NRXN3: variants seen among roughly 807,000 people sequenced by gnomAD.
NRXN3 encodes the protein neurexin III.
Under a neutral mutation model 137.6 loss-of-function variants are expected in NRXN3, and 32 were observed. The observed-to-expected ratio is 0.23, with a 90% CI of 0.18 to 0.31. NRXN3 has a LOEUF of 0.31. NRXN3 is among the 10% of genes least tolerant of loss of function. The pLI is 1.00. For synonymous variants in NRXN3, 798 were observed against 784.5 expected (o/e 1.02, Z -0.29); for missense variants, 1,574 against 2,062.5 (o/e 0.76, Z 4.59).
At chr14:79,271,136 A>C (rs2079222365) in intron 15 of NRXN3, among the ~76,000 whole-genome samples, 2 of 152,242 alleles carry the variant, frequency 1.3e-5, no homozygotes, top group Admixed American at 6.5e-5. Flanking sequence ...GTGATGTTTG[A>C]ACTAGGATGT....
intron 4 of NRXN3, among the ~76,000 whole-genome samples, chr14:78,513,877 A>G (rs2096156715): frequency 6.6e-6 from 1 of 152,054 alleles, no homozygotes; most frequent in Non-Finnish European, 1.5e-5. Flanking sequence ...GTTTTTCCCC[A>G]TCTCTCCATA....
At chr14:78,561,021 T>G (rs2096781530) in intron 4 of NRXN3, among the ~76,000 whole-genome samples, 1 of 152,172 alleles carries the variant, frequency 6.6e-6, no homozygotes, top group Non-Finnish European at 1.5e-5. Context: ...CTTCCCAAAT[T>G]TTAGTGACTT....
chr14:78,690,687 C>A (rs186061956), intron 6 of NRXN3, among the ~76,000 whole-genome samples: 1 of 152,198 alleles, frequency 6.6e-6, no homozygotes, highest in East Asian at 1.9e-4. Context: ...AATATTAATT[C>A]TGGGACAATG....
intron 15 of NRXN3, among the ~76,000 whole-genome samples, chr14:78,995,629 G>A (rs929097595): frequency 6.6e-6 from 1 of 152,028 alleles, no homozygotes; most frequent in African/African-American, 2.4e-5. Context: ...TGGCCCTGCC[G>A]GCTACTCTTC....
intron 1 of NRXN3, among the ~76,000 whole-genome samples, chr14:78,229,067 G>C (rs969437479): frequency 2.0e-5 from 3 of 152,198 alleles, no homozygotes; most frequent in Non-Finnish European, 2.9e-5. Flanking sequence ...TGAGGGGAAA[G>C]TAGGAGATTC....
chr14:79,282,228 A>C lies in NRXN3; in HGVS notation c.3263-184993A>C, dbSNP rs908367814. On this transcript the variant is annotated intron_variant, in intron 15 of 20. Transcript: ENST00000335750. ...AGAGGGACTGGGGGGAGCGGGTAAG[A>C]CAGGAAAAAAAGAGGGAGTGGGAGA... is the stretch of plus-strand genomic sequence containing the variant. Among the ~76,000 whole-genome samples, 5 of 152,220 alleles carry C rather than the reference A, an allele frequency of 3.3e-5. No homozygotes were observed. In the East Asian group the frequency reaches 9.7e-4, roughly 29 times the overall value.
chr14:78,995,630 G>T (rs984855216), intron 15 of NRXN3, among the ~76,000 whole-genome samples: 1 of 152,096 alleles, frequency 6.6e-6, no homozygotes, highest in Non-Finnish European at 1.5e-5. Context: ...GGCCCTGCCG[G>T]CTACTCTTCG....
chr14:79,055,308 C>A (rs1002749647), intron 15 of NRXN3, among the ~76,000 whole-genome samples: 4 of 152,144 alleles, frequency 2.6e-5, no homozygotes, highest in Admixed American at 2.6e-4. Flanking sequence ...CAGGATTGGG[C>A]AAGTGGCAGT....
intron 15 of NRXN3, among the ~76,000 whole-genome samples, chr14:79,282,270 G>T (rs1236253165): frequency 6.6e-6 from 1 of 152,182 alleles, no homozygotes; most frequent in Admixed American, 6.5e-5. Flanking sequence ...AAGCCAGAGA[G>T]ACTGTTACTA....
At chr14:78,407,063 A>G (rs146415302) in intron 4 of NRXN3, among the ~76,000 whole-genome samples, 17 of 152,332 alleles carry the variant, frequency 1.1e-4, no homozygotes, top group Non-Finnish European at 1.8e-4. Context: ...GGTCCTAAGA[A>G]GATATGACAT....
chr14:78,642,639 A>C (rs1257566175), intron 4 of NRXN3, among the ~76,000 whole-genome samples: 1 of 152,188 alleles, frequency 6.6e-6, no homozygotes, highest in Non-Finnish European at 1.5e-5. Context: ...TCTGTAGAAA[A>C]AGAGCTTAGT....
chr14:78,599,625 C>T (rs1330748501), intron 4 of NRXN3, among the ~76,000 whole-genome samples: 3 of 152,206 alleles, frequency 2.0e-5, no homozygotes, highest in Non-Finnish European at 4.4e-5. Flanking sequence ...CTGTTAAACT[C>T]CATTTCAGTA....
At chr14:79,719,343 A>G (rs2098835161) in intron 19 of NRXN3, among the ~76,000 whole-genome samples, 1 of 120,552 alleles carries the variant, frequency 8.3e-6, no homozygotes, top group Non-Finnish European at 1.8e-5. Flanking sequence ...ATATGTATAT[A>G]TACACATATA....
At chr14:79,283,627 G>A (rs2081663323) in intron 15 of NRXN3, among the ~76,000 whole-genome samples, 1 of 151,796 alleles carries the variant, frequency 6.6e-6, no homozygotes, top group South Asian at 2.1e-4. Flanking sequence ...CACTTACCTG[G>A]GGTGCCCCCA....
chr14:79,751,607 T>C (rs1374227346), intron 19 of NRXN3, among the ~76,000 whole-genome samples: 1 of 152,044 alleles, frequency 6.6e-6, no homozygotes, highest in Non-Finnish European at 1.5e-5. Context: ...TCCAACACTA[T>C]GTTGAATAGG....
intron 6 of NRXN3, among the ~76,000 whole-genome samples, chr14:78,695,143 AT>A (rs1161288296): frequency 6.6e-6 from 1 of 151,814 alleles, no homozygotes; most frequent in East Asian, 1.9e-4. Flanking sequence ...CTATCTCCAT[AT>A]TCACATCATC....
chr14:79,560,999 C>A (rs1050796924), intron 16 of NRXN3, among the ~76,000 whole-genome samples: 20 of 152,150 alleles, frequency 1.3e-4, no homozygotes, highest in African/African-American at 4.8e-4. Flanking sequence ...GAGGCTGATC[C>A]CACTGCAGAG....
intron 15 of NRXN3, among the ~76,000 whole-genome samples, chr14:79,159,542 T>C (rs1485824846): frequency 6.6e-6 from 1 of 151,844 alleles, no homozygotes; most frequent in Non-Finnish European, 1.5e-5. Flanking sequence ...ATTTTTTTCT[T>C]CAGAAATTGA....
intron 19 of NRXN3, among the ~76,000 whole-genome samples, chr14:79,767,656 TCTC>T (rs2099060592): frequency 6.6e-6 from 1 of 152,198 alleles, no homozygotes; most frequent in Non-Finnish European, 1.5e-5. Flanking sequence ...TTCACTTAAT[TCTC>T]ATAACAGTCC....
Sources: gnomAD v4.1 joint callset for allele counts (sites outside exome capture counted in the v4.1 genomes callset) on GRCh38, gnomAD v4.1.1 for gene constraint, MANE v1.5 for transcripts, NCBI Gene and HGNC (gene_info 2026-07-23, HGNC 2026-07-21) for gene names.